Variants in BDP1 observed in about 807,000 individuals in gnomAD.
BDP1 encodes transcription factor TFIIIB component B'' homolog.
A neutral mutation model predicts 266.6 loss-of-function variants in BDP1; 169 were observed. The ratio of observed to expected loss-of-function variants is 0.63; its 90% CI spans 0.56 to 0.72. BDP1 has a LOEUF of 0.72. BDP1 is among the 30% of genes least tolerant of loss of function. The probability of loss-of-function intolerance (pLI) is 0.00; values close to 1 mark genes in which losing one functional copy is unlikely to be tolerated. For synonymous variants in BDP1, 1,090 were observed against 1,022.4 expected (o/e 1.07, Z -1.26); for missense variants, 3,015 against 3,053.8 (o/e 0.99, Z 0.30).
chr5:71,551,674 C>A (rs537185589), intron 34 of BDP1, among the ~76,000 whole-genome samples: 300 of 152,064 alleles, frequency 2.0e-3, no homozygotes, highest in Non-Finnish European at 3.4e-3. Flanking sequence ...CTTCACTTCC[C>A]AGCAGGGGCG....
Position 71,461,958 on chromosome 5 carries a change from CT to C in BDP1, c.599+53del, listed in dbSNP as rs370261571. The stretch of plus-strand genomic sequence containing the variant: ...AAAATTTATTTCTGCTTTACTATCT[CT>C]TTTTTTTTTTTTTTTTTTTTGGAGG... On this transcript the variant is annotated intron_variant, in intron 3 of 38. Coordinates refer to ENST00000358731, the MANE Select transcript of BDP1 (RefSeq NM_018429.3). 0.087 allele frequency: 37,741 copies of C among 434,012 alleles called. 29 individuals carry two copies. Among genetic ancestry groups the C allele is most frequent in the Middle Eastern group, 0.11 (132 of 1,240 alleles). The allele number at this position is 434,012 out of a possible 1,614,324, so 26.9% of individuals were successfully genotyped here. A position where few individuals can be genotyped will look rare whatever the true frequency, so the allele number is the denominator to read the frequency against.
intron 25 of BDP1, among the ~76,000 whole-genome samples, chr5:71,525,599 AACCTCCTTCCCGGACG>A (rs1765797139): frequency 5.2e-5 from 3 of 57,848 alleles, no homozygotes; most frequent in South Asian, 1.4e-3. Flanking sequence ...CTGACCCCCC[AACCTCCTTCCCGGACG>A]GGGCGGCTGG....
chr5:71,554,604 G>T (rs141732839), intron 35 of BDP1, among the ~76,000 whole-genome samples: 81 of 152,208 alleles, frequency 5.3e-4, no homozygotes, highest in Non-Finnish European at 6.5e-4. Context: ...ATGGACAAAA[G>T]ACCATAGTAC....
intron 11 of BDP1, among the ~76,000 whole-genome samples, chr5:71,492,271 T>C (rs1344105050): frequency 6.6e-6 from 1 of 152,212 alleles, no homozygotes; most frequent in African/African-American, 2.4e-5. Context: ...GTGGGGTTGC[T>C]AGATCATATG....
At chr5:71,485,888 A>C (rs1040623478) in intron 8 of BDP1, among the ~76,000 whole-genome samples, 1 of 152,208 alleles carries the variant, frequency 6.6e-6, no homozygotes, top group African/African-American at 2.4e-5. Flanking sequence ...CACAGCTCAA[A>C]GTGTAGTTCA....
chr5:71,549,319 T>TA (rs1742577838), intron 33 of BDP1, 101 bp from the exon 34 acceptor site: 1 of 963,934 alleles, frequency 1.0e-6, no homozygotes, highest in Non-Finnish European at 1.5e-6. Flanking sequence ...GTCTTGATGA[T>TA]AAGTTGTCCT....
Position 71,509,694 on chromosome 5 carries a change from A to C in BDP1, c.2602A>C (p.Lys868Gln). ...KEMVPAEINT[K>Q]EMQSDLKETG... ...GATGGTACCAGCAGAGATTAATACT[A>C]AAGAAATGCAGTCAGATTTAAAAGA... The change falls in exon 17 of 39, where the codon AAA (lysine) becomes CAA (glutamine). Residue 868 changes from lysine (K) to glutamine (Q), a missense_variant. Lys to Gln is a moderately conservative substitution (Grantham distance 53). Transcript: ENST00000358731. 2 of 1,613,732 alleles carry C rather than the reference A, an allele frequency of 1.2e-6. No individual in the cohort carries two copies. Among genetic ancestry groups the C allele is most frequent in the Non-Finnish European group, 1.7e-6 (2 of 1,179,938 alleles).
chr5:71,497,955 A>AT (rs778350116), intron 13 of BDP1, among the ~76,000 whole-genome samples: 2,014 of 144,140 alleles, frequency 0.014, 19 homozygotes, highest in Middle Eastern at 0.025. Flanking sequence ...AACCCAGATA[A>AT]TTTTTTTTTT....
chr5:71,542,385 A>T (rs923597845), intron 30 of BDP1, 120 bp downstream of exon 30: 2 of 921,096 alleles, frequency 2.2e-6, no homozygotes, highest in Non-Finnish European at 3.2e-6. Flanking sequence ...GTTTCAAATT[A>T]AAAAGTAAGA....
intron 25 of BDP1, among the ~76,000 whole-genome samples, chr5:71,525,711 C>T (rs1450812543): frequency 6.1e-4 from 84 of 136,858 alleles, no homozygotes; most frequent in African/African-American, 2.1e-3. Context: ...CCCTTCCGGA[C>T]GGGGCGGCTG....
intron 4 of BDP1, among the ~76,000 whole-genome samples, chr5:71,464,615 C>T (rs541936758): frequency 1.3e-5 from 2 of 151,662 alleles, no homozygotes; most frequent in Admixed American, 1.3e-4. Flanking sequence ...GAACATAGCT[C>T]ACTGCAGCCT....
rs1015970920 is a variant in BDP1, at chr5:71,565,338, C to A, written c.*453C>A. The A allele has an allele frequency of 6.4e-6, 1 of 155,256 alleles. No individual in the cohort carries two copies. Among genetic ancestry groups the A allele is most frequent in the African/African-American group, 2.4e-5 (1 of 41,442 alleles). 9.6% of individuals were successfully genotyped at this position (155,256 alleles called of 1,614,324 possible). A position where few individuals can be genotyped will look rare whatever the true frequency, so the allele number is the denominator to read the frequency against. ...AGGATGAAGGCTTTTTCATTTGCTT[C>A]TAAGTACAGTCATGTATCACATAAT... is the stretch of plus-strand genomic sequence containing the variant. On this transcript the variant is annotated 3_prime_UTR_variant, in exon 39 of 39. Coordinates refer to ENST00000358731, the MANE Select transcript of BDP1 (RefSeq NM_018429.3).
At chr5:71,552,402 C>T (rs1459367491) in intron 34 of BDP1, among the ~76,000 whole-genome samples, 19 of 152,238 alleles carry the variant, frequency 1.2e-4, no homozygotes, top group Non-Finnish European at 2.6e-4. Flanking sequence ...AGGGGCTCCT[C>T]ACATCCCAGA....
chr5:71,480,875 T>G (rs1260023402), intron 7 of BDP1, among the ~76,000 whole-genome samples: 1 of 152,146 alleles, frequency 6.6e-6, no homozygotes, highest in Non-Finnish European at 1.5e-5. Context: ...AACCGTGAGT[T>G]TTTTTGAAAT....
rs915118443 is a variant in BDP1, at chr5:71,542,284, A to G, written c.6412+19A>G. ...CAAAGAGGTAAATTTTATTCTCTTA[A>G]TATGTTGCAAAATCATTTTGACACA... On this transcript the variant is annotated intron_variant, in intron 30 of 38. Coordinates refer to ENST00000358731, the MANE Select transcript of BDP1 (RefSeq NM_018429.3). The G allele has an allele frequency of 1.3e-6, 2 of 1,573,908 alleles. No individual in the cohort carries two copies. Among genetic ancestry groups the G allele is most frequent in the Non-Finnish European group, 8.6e-7 (1 of 1,162,044 alleles).
chr5:71,564,938 A>G lies in BDP1; in HGVS notation c.*53A>G. 1.3e-6 allele frequency: 2 copies of G among 1,497,060 alleles called. No homozygotes were observed. The highest frequency in any genetic ancestry group is 9.0e-7 in the Non-Finnish European group (1 of 1,107,282). 92.7% of individuals were successfully genotyped at this position (1,497,060 alleles called of 1,614,324 possible). On this transcript the variant is annotated 3_prime_UTR_variant, in exon 39 of 39. Transcript: ENST00000358731. ...AATTAGGTCTAGGATTTCCAGAGTCAATTACATCAACAAAACAGTATTTAG... is the reference window on the plus strand; with the variant it reads ...AATTAGGTCTAGGATTTCCAGAGTCGATTACATCAACAAAACAGTATTTAG...
chr5:71,556,977 A>G (rs1360094603), intron 36 of BDP1, 52 bp downstream of exon 36: 2 of 954,866 alleles, frequency 2.1e-6, no homozygotes, highest in African/African-American at 1.7e-5. Flanking sequence ...ACTCCTGATT[A>G]TTTGGGATAT....
At chr5:71,563,209 G>A (rs1263264623) in intron 38 of BDP1, among the ~76,000 whole-genome samples, 2 of 152,108 alleles carry the variant, frequency 1.3e-5, no homozygotes, top group African/African-American at 2.4e-5. Flanking sequence ...GTGCAGTGGC[G>A]TGATCTTGGT....
intron 36 of BDP1, 45 bp from the exon 37 acceptor site, chr5:71,559,937 A>G: frequency 1.9e-6 from 3 of 1,597,190 alleles, no homozygotes; most frequent in South Asian, 1.1e-5. Flanking sequence ...CATGGAGTGT[A>G]TTAACTTCAG....
Sources: allele counts gnomAD v4.1 joint callset (sites outside exome capture counted in the v4.1 genomes callset), GRCh38; gene constraint gnomAD v4.1.1; transcripts MANE v1.5; gene names NCBI Gene and HGNC (gene_info 2026-07-23, HGNC 2026-07-21).